The following FCRL4 variants were observed in gnomAD, a reference collection of about 807,000 sequenced individuals.
The protein encoded by FCRL4 is Fc receptor like 4, also known as Fc receptor-like protein 4.
Under a neutral mutation model 64.1 loss-of-function variants are expected in FCRL4, and 43 were observed. The observed-to-expected ratio is 0.67, with a 90% CI of 0.53 to 0.87. The LOEUF (loss-of-function observed/expected upper bound fraction) is 0.87. Among genes scored for constraint, FCRL4 ranks in the 40% least tolerant of loss-of-function variants. The pLI is 0.00. For synonymous variants in FCRL4, 253 were observed against 239.8 expected (o/e 1.05, Z -0.51); for missense variants, 656 against 613.5 (o/e 1.07, Z -0.73).
At chr1:157,593,965 G>A (rs1652899146) in intron 2 of FCRL4, among the ~76,000 whole-genome samples, 1 of 152,164 alleles carries the variant, frequency 6.6e-6, no homozygotes, top group African/African-American at 2.4e-5. Context: ...TTCAATGGGT[G>A]TACAAATGAA....
Position 157,578,847 on chromosome 1 carries a change from G to C in FCRL4, c.1283C>G (p.Pro428Arg). 6.2e-7 allele frequency: 1 copy of C among 1,612,160 alleles called. No homozygotes were observed. The highest frequency in any genetic ancestry group is 8.5e-7 in the Non-Finnish European group (1 of 1,179,158). ...VGFLGDETRL[P>R]PAPGPGESSH... ...GGACTCTCCTGGGCCTGGAGCGGGA[G>C]GGAGCCTGTGAGACACAGAAACACA... The change falls in exon 9 of 12, where the codon CCT becomes CGT. Residue 428 changes from proline (P) to arginine (R), a missense_variant. Physicochemically the swap from Pro to Arg is moderately radical, Grantham distance 103 (BLOSUM62 -2). Transcript: ENST00000271532.
chr1:157,587,217 C>G (rs1370568782), intron 5 of FCRL4, 59 bp downstream of exon 5: 1 of 1,576,396 alleles, frequency 6.3e-7, no homozygotes, highest in Middle Eastern at 2.2e-4. Flanking sequence ...AGTCCCCATG[C>G]CTACAGAGCC....
At chr1:157,583,782 G>A (rs1558154429) in intron 6 of FCRL4, among the ~76,000 whole-genome samples, 1 of 152,196 alleles carries the variant, frequency 6.6e-6, no homozygotes, top group African/African-American at 2.4e-5. Context: ...CAGTGCATGA[G>A]GCTACTGCAG....
intron 10 of FCRL4, among the ~76,000 whole-genome samples, chr1:157,577,201 C>A (rs1385536888): frequency 6.6e-6 from 1 of 152,094 alleles, no homozygotes; most frequent in East Asian, 1.9e-4. Context: ...CAGGTTATAG[C>A]CCCCAGCCTG....
intron 10 of FCRL4, 132 bp downstream of exon 10, chr1:157,578,342 A>AT (rs556751233): frequency 8.3e-6 from 6 of 723,406 alleles, no homozygotes; most frequent in Non-Finnish European, 1.4e-5. Flanking sequence ...CACTGCAGGG[A>AT]TTTTTGTCTG....
rs751726093 is a variant in FCRL4 at position 157,578,868 on chromosome 1, A to G, written c.1278-16T>C. On this transcript the variant is annotated splice_polypyrimidine_tract_variant and intron_variant, in intron 8 of 11. Coordinates refer to ENST00000271532, the MANE Select transcript of FCRL4 (RefSeq NM_031282.3). ...GGGAGGGAGCCTGTGAGACACAGAAACACATAATAATCCCTGGAACACTGT... is the reference window on the plus strand; with the variant it reads ...GGGAGGGAGCCTGTGAGACACAGAAGCACATAATAATCCCTGGAACACTGT... 4 of 1,598,722 alleles carry G rather than the reference A, an allele frequency of 2.5e-6. No homozygotes were observed. In the Middle Eastern group the frequency reaches 5.4e-4, roughly 217 times the overall value.
In FCRL4 at chr1:157,597,963, T is replaced by C. The variant is rs747950818; in HGVS notation, c.-19A>G. The stretch of plus-strand genomic sequence containing the variant: ...GCAGCATGGAAGCCTGCTCCAGGAT[T>C]GGAGAAGGAGTTCTGAGGAGACAAG... On this transcript the variant is annotated 5_prime_UTR_variant, in exon 1 of 12. Coordinates refer to ENST00000271532, the MANE Select transcript of FCRL4 (RefSeq NM_031282.3). 2 of 1,610,516 alleles carry C rather than the reference T, an allele frequency of 1.2e-6. No homozygotes were observed. The highest frequency in any genetic ancestry group is 2.2e-5 in the South Asian group (2 of 90,534).
chr1:157,591,397 G>A (rs1437672381), intron 2 of FCRL4, among the ~76,000 whole-genome samples: 1 of 152,154 alleles, frequency 6.6e-6, no homozygotes, highest in Non-Finnish European at 1.5e-5. Flanking sequence ...CATAGATAGA[G>A]GGAAATTTTT....
chr1:157,587,400 G>C lies in FCRL4; in HGVS notation c.723C>G (p.Ser241Arg). Residue 241 changes from serine to arginine, a missense_variant, in exon 5 of 12, where the codon AGC (serine) becomes AGG (arginine). By Grantham distance (110) the Ser-to-Arg change is moderately radical. Transcript: ENST00000271532. Reference sequence around the variant, plus strand: ...TTGGGAGCTGGAGTTCCGGGTACGTGCTCCAGTCTGACAGGATGACCTCGC... The same window carrying C: ...TTGGGAGCTGGAGTTCCGGGTACGTCCTCCAGTCTGACAGGATGACCTCGC... ...RDGEVILSDW[S>R]TYPELQLPTV... 6.2e-7 allele frequency: 1 copy of C among 1,614,228 alleles called. No individual in the cohort carries two copies. Among genetic ancestry groups the C allele is most frequent in the African/African-American group, 1.3e-5 (1 of 75,054 alleles).
intron 2 of FCRL4, among the ~76,000 whole-genome samples, chr1:157,593,086 G>A (rs1232941749): frequency 6.6e-6 from 1 of 152,170 alleles, no homozygotes; most frequent in Non-Finnish European, 1.5e-5. Flanking sequence ...GGACCTGTCA[G>A]GGGTTGGAGG....
chr1:157,595,449 G>C (rs1418123706), intron 2 of FCRL4, among the ~76,000 whole-genome samples: 1 of 152,238 alleles, frequency 6.6e-6, no homozygotes, highest in African/African-American at 2.4e-5. Flanking sequence ...AGCTGCCCCT[G>C]CTATGTGCAG....
chr1:157,583,896 A>T (rs1401167256), intron 6 of FCRL4, among the ~76,000 whole-genome samples: 2 of 152,306 alleles, frequency 1.3e-5, no homozygotes, highest in South Asian at 2.1e-4. Context: ...TCCAGCAAAC[A>T]TCACTGGATC....
chr1:157,597,895 T>G lies in FCRL4; in HGVS notation c.31+19A>C. On this transcript the variant is annotated intron_variant, in intron 1 of 11. Transcript: ENST00000271532. ...GGCTCAGCTTTGCAGCAAGCAAAGGTCTCCTCCCCATCACTTACCAAAGGC... is the reference window on the plus strand; with the variant it reads ...GGCTCAGCTTTGCAGCAAGCAAAGGGCTCCTCCCCATCACTTACCAAAGGC... The G allele has an allele frequency of 6.2e-7, 1 of 1,610,460 alleles. No homozygotes were observed. The highest frequency in any genetic ancestry group is 8.5e-7 in the Non-Finnish European group (1 of 1,177,440).
In FCRL4 at chr1:157,589,308, G is replaced by T; in HGVS notation, c.203C>A (p.Thr68Asn). The stretch of plus-strand genomic sequence containing the variant: ...CTCGAGGGTGTTTCCTGGGGTCAGG[G>T]TCAACTTTTCTCCCCAGTAGTGCCG... ...YHRHYWGEKL[T>N]LTPGNTLEVR... Residue 68 changes from threonine (T) to asparagine (N), a missense_variant, in exon 3 of 12, where the codon ACC (threonine) becomes AAC (asparagine). Thr to Asn is a moderately conservative substitution (Grantham distance 65). Transcript: ENST00000271532. 6.2e-7 allele frequency: 1 copy of T among 1,614,172 alleles called. No homozygotes were observed. The highest frequency in any genetic ancestry group is 8.5e-7 in the Non-Finnish European group (1 of 1,180,032).
rs529595190 is a variant in FCRL4 at position 157,586,484 on chromosome 1, G to A, written c.848-29C>T. On this transcript the variant is annotated intron_variant, in intron 5 of 11. Transcript: ENST00000271532. ...TGTGAAAATGAGACCACAGGTGGGG[G>A]TCGGGTGTGAAGGAGGGCAGGGCTA... is the stretch of plus-strand genomic sequence containing the variant. The A allele has an allele frequency of 1.0e-5, 16 of 1,580,200 alleles. No homozygotes were observed. The East Asian group carries it at 3.6e-4, about 35-fold the overall frequency.
chr1:157,586,571 G>T, intron 5 of FCRL4, 116 bp from the exon 6 acceptor site: 1 of 865,918 alleles, frequency 1.2e-6, no homozygotes, highest in Admixed American at 2.6e-5. Flanking sequence ...TCTTCAGCAG[G>T]CACTAGCATT....
chr1:157,588,555 G>A (rs1398809422), intron 3 of FCRL4, among the ~76,000 whole-genome samples: 1 of 152,224 alleles, frequency 6.6e-6, no homozygotes, highest in Admixed American at 6.5e-5. Flanking sequence ...CACAGTCTAG[G>A]TTGAAGGGAC....
chr1:157,589,473 G>T lies in FCRL4; in HGVS notation c.53-15C>A. ...GTGTGCAGCTGCTGAGGAGGAAAGA[G>T]TAATAGGTCTGAGGTGGAGGTGCCT... is the stretch of plus-strand genomic sequence containing the variant. On this transcript the variant is annotated splice_polypyrimidine_tract_variant and intron_variant, in intron 2 of 11. Coordinates refer to ENST00000271532, the MANE Select transcript of FCRL4 (RefSeq NM_031282.3). 6.2e-7 allele frequency: 1 copy of T among 1,612,470 alleles called. No individual in the cohort carries two copies. Among genetic ancestry groups the T allele is most frequent in the South Asian group, 1.1e-5 (1 of 91,000 alleles).
At chr1:157,578,926 C>A in intron 8 of FCRL4, 74 bp from the exon 9 acceptor site, 1 of 1,221,650 alleles carries the variant, frequency 8.2e-7, no homozygotes, top group Non-Finnish European at 1.1e-6. Context: ...CCAGGGAGAG[C>A]GGCAGAGGAG....
Sources: allele counts gnomAD v4.1 joint callset (sites outside exome capture counted in the v4.1 genomes callset), GRCh38; gene constraint gnomAD v4.1.1; transcripts MANE v1.5; gene names NCBI Gene and HGNC (gene_info 2026-07-23, HGNC 2026-07-21).